Variants in PLAAT2 observed in about 807,000 individuals in gnomAD.
PLAAT2 encodes the protein phospholipase A and acyltransferase 2.
A neutral mutation model predicts 12.8 loss-of-function variants in PLAAT2; 12 were observed. The ratio of observed to expected loss-of-function variants is 0.94; its 90% CI spans 0.60 to 1.52. The LOEUF (loss-of-function observed/expected upper bound fraction) is 1.52, where lower values mean the gene tolerates loss of function less well. PLAAT2 is among the 40% of genes most tolerant of loss of function. The pLI, the probability that PLAAT2 is intolerant of heterozygous loss-of-function variation, is 0.00. For missense variants in PLAAT2, 166 were observed against 208.1 expected (o/e 0.80, Z 1.24); for synonymous variants, 79 against 86.8 (o/e 0.91, Z 0.50).
chr11:63,558,328 C>A, intron 3 of PLAAT2, 64 bp downstream of exon 3: 1 of 1,580,428 alleles, frequency 6.3e-7, no homozygotes, highest in Non-Finnish European at 8.6e-7. Context: ...CAGCAGGGAC[C>A]CAGCCTCTGG....
chr11:63,555,448 GA>G (rs1181300673), intron 3 of PLAAT2, among the ~76,000 whole-genome samples: 1 of 152,178 alleles, frequency 6.6e-6, no homozygotes, highest in East Asian at 1.9e-4. Flanking sequence ...AGCAGTTTGG[GA>G]GGCCAAGGCA....
intron 1 of PLAAT2, among the ~76,000 whole-genome samples, chr11:63,562,608 A>G (rs949963936): frequency 6.6e-5 from 10 of 152,176 alleles, no homozygotes; most frequent in Non-Finnish European, 1.3e-4. Flanking sequence ...CCCCCTCTCT[A>G]TACTTACCAG....
chr11:63,563,635 G>A (rs1054571847), upstream of PLAAT2, among the ~76,000 whole-genome samples: 9 of 146,042 alleles, frequency 6.2e-5, no homozygotes, highest in East Asian at 2.1e-4. Flanking sequence ...AGGAAATGGC[G>A]TCAACCCAGT....
chr11:63,554,950 C>T (rs1466983895), intron 3 of PLAAT2, among the ~76,000 whole-genome samples: 3 of 152,198 alleles, frequency 2.0e-5, no homozygotes, highest in African/African-American at 7.2e-5. Flanking sequence ...CTACTGACAG[C>T]AGGGAAAGAG....
chr11:63,559,822 G>A (rs192594749), intron 2 of PLAAT2, among the ~76,000 whole-genome samples: 39 of 152,224 alleles, frequency 2.6e-4, no homozygotes, highest in African/African-American at 7.2e-4. Flanking sequence ...GAGATCCCAC[G>A]GAGGGATGCT....
chr11:63,554,304 AGAG>A (rs1031605268), intron 3 of PLAAT2, among the ~76,000 whole-genome samples: 4 of 152,176 alleles, frequency 2.6e-5, no homozygotes, highest in South Asian at 2.1e-4. Context: ...CCTACTTTCC[AGAG>A]GAGAAGACTG....
chr11:63,558,075 G>C (rs1565240114), intron 3 of PLAAT2, among the ~76,000 whole-genome samples: 1 of 152,068 alleles, frequency 6.6e-6, no homozygotes, highest in African/African-American at 2.4e-5. Context: ...CTTAAGCACG[G>C]TGAGCCTCAG....
intron 3 of PLAAT2, 51 bp downstream of exon 3, chr11:63,558,341 G>A (rs1183891078): frequency 1.9e-6 from 3 of 1,596,744 alleles, no homozygotes; most frequent in South Asian, 2.2e-5. Context: ...GCCTCTGGCA[G>A]CTGAGGGAGT....
At chr11:63,563,291 T>G (rs1230303268) in intron 1 of PLAAT2, 25 bp downstream of exon 1, 4 of 1,613,996 alleles carry the variant, frequency 2.5e-6, no homozygotes, top group Admixed American at 1.7e-5. Flanking sequence ...AAATCAAAGC[T>G]TTAAAACCGT....
At position 63,558,389 on chromosome 11, in the gene PLAAT2, C is replaced by T. The variant is rs772611818; in HGVS notation, c.387+3G>A. 16 of 1,612,932 alleles carry T rather than the reference C, an allele frequency of 9.9e-6. No individual in the cohort carries two copies. The highest frequency in any genetic ancestry group is 1.1e-5 in the Non-Finnish European group (13 of 1,179,110). On this transcript the variant is annotated splice_donor_region_variant and intron_variant, in intron 3 of 3. Transcript: ENST00000255695. Reference sequence around the variant, plus strand: ...GGGAAGGGGATGCAGGCTGAAGATGCACCTGGTCACTGCGGGAGACGCCAT... The same window carrying T: ...GGGAAGGGGATGCAGGCTGAAGATGTACCTGGTCACTGCGGGAGACGCCAT...
At chr11:63,562,842 G>A (rs575672626) in intron 1 of PLAAT2, among the ~76,000 whole-genome samples, 5 of 152,176 alleles carry the variant, frequency 3.3e-5, no homozygotes, top group African/African-American at 7.2e-5. Flanking sequence ...GCCTGGAGGC[G>A]AGGGAGACAG....
intron 1 of PLAAT2, among the ~76,000 whole-genome samples, chr11:63,562,870 C>T (rs1029790872): frequency 6.6e-6 from 1 of 152,128 alleles, no homozygotes; most frequent in Non-Finnish European, 1.5e-5. Context: ...TCTGACAGCC[C>T]CCATTGCCAC....
Position 63,552,956 on chromosome 11 carries a change from T to A in PLAAT2, c.*8A>T. 1.9e-6 allele frequency: 3 copies of A among 1,600,066 alleles called. No homozygotes were observed. Among genetic ancestry groups the A allele is most frequent in the Non-Finnish European group, 2.6e-6 (3 of 1,167,468 alleles). The stretch of plus-strand genomic sequence containing the variant: ...AGAATTGGTGGTTGTTGGGACAATT[T>A]CTTGGATTTATTGCCTTTCCCGCTT... On this transcript the variant is annotated 3_prime_UTR_variant, in exon 4 of 4. Transcript: ENST00000255695.
In PLAAT2 at chr11:63,558,559, A is replaced by G. The variant is rs2134371817; in HGVS notation, c.220T>C (p.Tyr74His). 1 of 1,614,232 alleles carries G rather than the reference A, an allele frequency of 6.2e-7. No individual in the cohort carries two copies. Among genetic ancestry groups the G allele is most frequent in the East Asian group, 2.2e-5 (1 of 44,888 alleles). The change falls in exon 3 of 4, where the codon TAC (tyrosine) becomes CAC (histidine). Residue 74 changes from tyrosine to histidine, a missense_variant. Transcript: ENST00000255695. ...TCATCGTGCTTGTTATTGACCCTGT[A>G]GTTGTCTCCCCCAGCCACCACAGAC... ...LLSVVAGGDN[Y>H]RVNNKHDDRY...
chr11:63,554,033 C>T (rs2017442822), intron 3 of PLAAT2, among the ~76,000 whole-genome samples: 2 of 152,074 alleles, frequency 1.3e-5, no homozygotes, highest in Non-Finnish European at 1.5e-5. Flanking sequence ...TGAGGCCGAC[C>T]CCCGAGGGTT....
At chr11:63,555,811 G>A (rs181807790) in intron 3 of PLAAT2, among the ~76,000 whole-genome samples, 1 of 152,314 alleles carries the variant, frequency 6.6e-6, no homozygotes, top group African/African-American at 2.4e-5. Context: ...TCCTCAGGGG[G>A]TCCTGGAATC....
chr11:63,562,693 G>A (rs2017529254), intron 1 of PLAAT2, among the ~76,000 whole-genome samples: 1 of 152,166 alleles, frequency 6.6e-6, no homozygotes, highest in Non-Finnish European at 1.5e-5. Flanking sequence ...ACTACCTGGT[G>A]TGGATTAAAT....
upstream of PLAAT2, among the ~76,000 whole-genome samples, chr11:63,564,680 G>A (rs1385825036): frequency 6.6e-6 from 1 of 152,176 alleles, no homozygotes; most frequent in Admixed American, 6.5e-5. Context: ...CTTCTGGAGG[G>A]AGACAGTAGG....
At chr11:63,553,810 G>A (rs1312165700) in intron 3 of PLAAT2, among the ~76,000 whole-genome samples, 2 of 152,116 alleles carry the variant, frequency 1.3e-5, no homozygotes, top group Admixed American at 1.3e-4. Context: ...ACACAGGCTT[G>A]AGGGCAGGGA....
Sources: gnomAD v4.1 joint callset for allele counts (sites outside exome capture counted in the v4.1 genomes callset) on GRCh38, gnomAD v4.1.1 for gene constraint, MANE v1.5 for transcripts, NCBI Gene and HGNC (gene_info 2026-07-23, HGNC 2026-07-21) for gene names.